Variants in SLFN11 observed in about 807,000 individuals in gnomAD.
SLFN11 encodes schlafen family member 11.
SLFN11 carries 43 observed loss-of-function variants against 53.4 expected under a neutral mutation model. That is an observed-to-expected ratio of 0.80 (90% CI 0.63 to 1.04). The LOEUF (loss-of-function observed/expected upper bound fraction) is 1.04. SLFN11 is among the 50% of genes least tolerant of loss of function. The pLI is 0.00. For synonymous variants in SLFN11, 389 were observed against 394.7 expected, an observed-to-expected ratio of 0.99 and a Z score of 0.17; for missense variants, 990 against 1,079.1, an observed-to-expected ratio of 0.92 and a Z score of 1.16.
intron 1 of SLFN11, among the ~76,000 whole-genome samples, chr17:35,368,299 C>T (rs747247076): frequency 1.3e-5 from 2 of 152,036 alleles, no homozygotes; most frequent in Non-Finnish European, 2.9e-5. Context: ...CAGCAGTGAC[C>T]ATGTGGTGCA....
intron 4 of SLFN11, among the ~76,000 whole-genome samples, chr17:35,360,598 C>T (rs1465907397): frequency 6.6e-6 from 1 of 152,058 alleles, no homozygotes; most frequent in Non-Finnish European, 1.5e-5. Flanking sequence ...TGTATTTCTC[C>T]ATTCAGTATA....
intron 1 of SLFN11, among the ~76,000 whole-genome samples, chr17:35,370,098 C>T (rs1909461868): frequency 6.6e-6 from 1 of 151,996 alleles, no homozygotes; most frequent in African/African-American, 2.4e-5. Flanking sequence ...TACTAGCAAA[C>T]TTAATTCAAC....
chr17:35,356,357 T>A (rs1907467329), intron 5 of SLFN11, among the ~76,000 whole-genome samples: 1 of 152,092 alleles, frequency 6.6e-6, no homozygotes, highest in Non-Finnish European at 1.5e-5. Context: ...AATTGTCTTT[T>A]AAAAAAATAA....
chr17:35,358,158 A>G (rs1004858172), intron 5 of SLFN11, among the ~76,000 whole-genome samples: 1 of 150,938 alleles, frequency 6.6e-6, no homozygotes, highest in African/African-American at 2.4e-5. Flanking sequence ...TAACTTTTGC[A>G]TTAGATAGGT....
At position 35,363,537 on chromosome 17, in the gene SLFN11, G is replaced by A. The variant is rs769781027; in HGVS notation, c.271C>T (p.Gln91Ter). Residue 91 changes from glutamine (Q) to a stop codon, truncating the protein, a stop_gained, in exon 4 of 7, where the codon CAG (glutamine) becomes TAG (stop). Coordinates refer to ENST00000685675, the MANE Select transcript of SLFN11 (RefSeq NM_001376007.1). LOFTEE classifies it high-confidence loss of function. ...TGTTGCTTGGTCTCAAAGAAAGCCT[G>A]CAGATCTGAAGACTGAATAAGCTCT... The part of the protein sequence containing the change: ...LRELIQSSDL[Q>*]AFFETKQQGR... 6.2e-6 allele frequency: 10 copies of A among 1,614,054 alleles called. No individual in the cohort carries two copies.
At chr17:35,363,975 G>T in intron 3 of SLFN11, 149 bp from the exon 4 acceptor site, 1 of 625,442 alleles carries the variant, frequency 1.6e-6, no homozygotes, top group Non-Finnish European at 2.6e-6. Flanking sequence ...GGCTGGCAAG[G>T]AAGGGTGCTA....
intron 3 of SLFN11, among the ~76,000 whole-genome samples, chr17:35,365,574 C>T (rs1165585862): frequency 2.0e-5 from 3 of 152,086 alleles, no homozygotes; most frequent in African/African-American, 7.2e-5. Context: ...GGATTATAGG[C>T]ATGAGCCACA....
Position 35,373,482 on chromosome 17 carries a change from C to G in SLFN11, c.-243G>C, listed in dbSNP as rs545597832. 3.3e-5 allele frequency: 5 copies of G among 151,870 alleles called. No homozygotes were observed. The highest frequency in any genetic ancestry group is 7.4e-5 in the Non-Finnish European group (5 of 68,006). The allele number at this position is 151,870 out of a possible 1,614,324, so 9.4% of individuals were successfully genotyped here. Reference sequence around the variant, plus strand: ...CTGCTCCCTTCTCGAACCTGGCACTCGAGTTACAGCCCGACGCGGATTCGG... The same window carrying G: ...CTGCTCCCTTCTCGAACCTGGCACTGGAGTTACAGCCCGACGCGGATTCGG... On this transcript the variant is annotated 5_prime_UTR_variant, in exon 1 of 7. Transcript: ENST00000685675.
At position 35,353,943 on chromosome 17, in the gene SLFN11, A is replaced by C. The variant is rs200730458; in HGVS notation, c.1315T>G (p.Leu439Val). Reference sequence around the variant, plus strand: ...ACAGCCCAACTTCTAGAGAAGATCAAAATTCCCCGAAAGAAAGGTTGCATT... The same window carrying C: ...ACAGCCCAACTTCTAGAGAAGATCACAATTCCCCGAAAGAAAGGTTGCATT... ...KQMQPFFRGILIFSRSWAVDL... is the reference protein window; with the variant it reads ...KQMQPFFRGIVIFSRSWAVDL... Residue 439 changes from leucine to valine, a missense_variant, in exon 6 of 7, where the codon TTG (leucine) becomes GTG (valine). Leu to Val is a conservative substitution (Grantham distance 32). Transcript: ENST00000685675. 1.9e-4 allele frequency: 299 copies of C among 1,613,894 alleles called. 3 individuals are homozygous for C. Among genetic ancestry groups the C allele is most frequent in the Admixed American group, 3.7e-4 (22 of 59,994 alleles).
Position 35,353,028 on chromosome 17 carries a change from C to T in SLFN11, c.2034G>A (p.Gly678=), listed in dbSNP as rs1470852464. Residue 678 remains glycine, a synonymous_variant, in exon 7 of 7, where the codon GGG becomes GGA. Coordinates refer to ENST00000685675, the MANE Select transcript of SLFN11 (RefSeq NM_001376007.1). The part of the protein sequence containing the change: ...DEAQNFRTED[G]DWYGKAKSIT... ...TGCTTTTTGCCTTCCCATACCAGTC[C>T]CCATCTTCAGTACGGAAATTCTGAG... The T allele has an allele frequency of 2.5e-6, 4 of 1,614,154 alleles. No homozygotes were observed. The highest frequency in any genetic ancestry group is 4.5e-5 in the East Asian group (2 of 44,888).
At chr17:35,359,058 T>C in intron 5 of SLFN11, among the ~76,000 whole-genome samples, 1 of 152,158 alleles carries the variant, frequency 6.6e-6, no homozygotes, top group East Asian at 1.9e-4. Flanking sequence ...TATTTTTCTA[T>C]GAATTTAGAA....
intron 1 of SLFN11, among the ~76,000 whole-genome samples, chr17:35,371,190 T>C (rs1183399279): frequency 6.6e-6 from 1 of 152,058 alleles, no homozygotes; most frequent in Non-Finnish European, 1.5e-5. Context: ...AACTCATTTT[T>C]CACAAAGATG....
Position 35,354,077 on chromosome 17 carries a change from G to A in SLFN11, c.1199-18C>T. 5 of 1,553,234 alleles carry A rather than the reference G, an allele frequency of 3.2e-6. No homozygotes were observed. Among genetic ancestry groups the A allele is most frequent in the Non-Finnish European group, 4.3e-6 (5 of 1,149,844 alleles). On this transcript the variant is annotated intron_variant, in intron 5 of 6. Coordinates refer to ENST00000685675, the MANE Select transcript of SLFN11 (RefSeq NM_001376007.1). ...TGGTGGGACTGTATGTGAAAAGAATGATAAATTAGAGGAAGAGAAATAACC... is the reference window on the plus strand; with the variant it reads ...TGGTGGGACTGTATGTGAAAAGAATAATAAATTAGAGGAAGAGAAATAACC...
intron 4 of SLFN11, among the ~76,000 whole-genome samples, chr17:35,361,193 G>A (rs538268674): frequency 6.6e-6 from 1 of 152,166 alleles, no homozygotes; most frequent in African/African-American, 2.4e-5. Flanking sequence ...TAGCCCACTA[G>A]CCTGCCAAAT....
intron 4 of SLFN11, among the ~76,000 whole-genome samples, chr17:35,361,324 A>G (rs1471593988): frequency 6.6e-6 from 1 of 152,182 alleles, no homozygotes; most frequent in East Asian, 1.9e-4. Flanking sequence ...GGCATAGAGC[A>G]TAATGGGTAC....
chr17:35,357,764 T>C (rs1907700392), intron 5 of SLFN11, among the ~76,000 whole-genome samples: 1 of 145,164 alleles, frequency 6.9e-6, no homozygotes, highest in Non-Finnish European at 1.5e-5. Flanking sequence ...AATATAAATA[T>C]ATAATATATA....
intron 1 of SLFN11, among the ~76,000 whole-genome samples, chr17:35,369,553 A>G (rs1460770865): frequency 2.6e-5 from 4 of 152,146 alleles, no homozygotes; most frequent in Non-Finnish European, 5.9e-5. Flanking sequence ...TCTGAAGAAA[A>G]GAACACAGCT....
intron 3 of SLFN11, among the ~76,000 whole-genome samples, chr17:35,366,357 A>G (rs1416877982): frequency 1.3e-5 from 2 of 152,180 alleles, no homozygotes; most frequent in African/African-American, 4.8e-5. Context: ...TATAATCAAC[A>G]AATAACCGAT....
intron 5 of SLFN11, among the ~76,000 whole-genome samples, chr17:35,358,323 ACT>A (rs1336249246): frequency 6.6e-6 from 1 of 151,644 alleles, no homozygotes; most frequent in African/African-American, 2.4e-5. Context: ...GAATTATTTT[ACT>A]GTTTACAGTA....
Sources: allele counts gnomAD v4.1 joint callset (sites outside exome capture counted in the v4.1 genomes callset), GRCh38; gene constraint gnomAD v4.1.1; transcripts MANE v1.5; gene names NCBI Gene and HGNC (gene_info 2026-07-23, HGNC 2026-07-21).